Variants in GNE observed in about 807,000 individuals in gnomAD.
The protein encoded by GNE is glucosamine (UDP-N-acetyl)-2-epimerase/N-acetylmannosamine kinase.
Under a neutral mutation model 61.8 loss-of-function variants are expected in GNE, and 41 were observed. That is an observed-to-expected ratio of 0.66 (90% CI 0.52 to 0.86). The LOEUF is 0.86. GNE is among the 40% of genes least tolerant of loss of function. The probability of loss-of-function intolerance (pLI) is 0.00; values close to 1 mark genes in which losing one functional copy is unlikely to be tolerated. For synonymous variants in GNE, 264 were observed against 326.4 expected, an observed-to-expected ratio of 0.81 and a Z score of 2.06; for missense variants, 608 against 909.1, an observed-to-expected ratio of 0.67 and a Z score of 4.26.
intron 1 of GNE, chr9:36,265,262 T>A: frequency 4.9e-6 from 2 of 404,924 alleles, no homozygotes; most frequent in South Asian, 3.6e-5. Context: ...ATTCACCGCA[T>A]GGCCCAAGAT....
Position 36,219,912 on chromosome 9 carries a change from C to A in GNE, c.1742G>T (p.Cys581Phe), listed in dbSNP as rs756926638. The change falls in exon 10 of 12, where the codon TGT becomes TTT. Residue 581 changes from cysteine to phenylalanine, a missense_variant. Physicochemically the swap from Cys to Phe is radical, Grantham distance 205 (BLOSUM62 -2). Transcript: ENST00000642385. The part of the protein sequence containing the change: ...VVSLDGPDCS[C>F]GSHGCIEAYA... ...TGCTTCAATGCACCCATGGCTTCCACAGGAACAATCAGGCCCATCCAGAGA... is the reference window on the plus strand; with the variant it reads ...TGCTTCAATGCACCCATGGCTTCCAAAGGAACAATCAGGCCCATCCAGAGA... The A allele has an allele frequency of 5.0e-6, 8 of 1,614,056 alleles. No individual in the cohort carries two copies. Among genetic ancestry groups the A allele is most frequent in the Non-Finnish European group, 6.8e-6 (8 of 1,180,028 alleles).
chr9:36,270,487 T>C (rs1830981418), intron 1 of GNE, among the ~76,000 whole-genome samples: 1 of 151,766 alleles, frequency 6.6e-6, no homozygotes, highest in Admixed American at 6.6e-5. Flanking sequence ...TCCCAGCTAC[T>C]TGGGAGGCTG....
At chr9:36,276,805 C>T (rs192937459) in intron 1 of GNE, 2 of 986,420 alleles carry the variant, frequency 2.0e-6, no homozygotes, top group East Asian at 2.5e-5. Context: ...CAAAGCTTTC[C>T]TCTTCCTCTT....
Position 36,236,985 on chromosome 9 carries a change from C to T in GNE, c.617-1G>A, listed in dbSNP as rs1256419231. 1.2e-6 allele frequency: 2 copies of T among 1,608,478 alleles called. No homozygotes were observed. The highest frequency in any genetic ancestry group is 1.7e-6 in the Non-Finnish European group (2 of 1,175,234). Reference sequence around the variant, plus strand: ...TAATCTTTAGATTTTACATCATCACCTGTTTAAAGAAAATCAAACCACATT... The same window carrying T: ...TAATCTTTAGATTTTACATCATCACTTGTTTAAAGAAAATCAAACCACATT... On this transcript the variant is annotated splice_acceptor_variant, in intron 3 of 11. Coordinates refer to ENST00000642385, the MANE Select transcript of GNE (RefSeq NM_005476.7). LOFTEE classifies it high-confidence loss of function.
intron 3 of GNE, among the ~76,000 whole-genome samples, chr9:36,245,061 T>C (rs1829812962): frequency 3.3e-5 from 5 of 151,710 alleles, no homozygotes; most frequent in Admixed American, 1.3e-4. Context: ...GCGGATCACC[T>C]GAGGTCAGGA....
chr9:36,220,075 G>A lies in GNE; in HGVS notation c.1634-55C>T, dbSNP rs1314885967. 17 of 1,408,776 alleles carry A rather than the reference G, an allele frequency of 1.2e-5. No individual in the cohort carries two copies. The East Asian group carries it at 3.2e-4, about 26-fold the overall frequency. 87.3% of individuals were successfully genotyped at this position (1,408,776 alleles called of 1,614,324 possible). A position where few individuals can be genotyped will look rare whatever the true frequency, so the allele number is the denominator to read the frequency against. Reference sequence around the variant, plus strand: ...TGCTTTACCTGAAACAGAAAACTATGATATCACAACGCCTCATCTATTTAG... The same window carrying A: ...TGCTTTACCTGAAACAGAAAACTATAATATCACAACGCCTCATCTATTTAG... On this transcript the variant is annotated intron_variant, in intron 9 of 11. Transcript: ENST00000642385.
At chr9:36,245,651 G>C (rs1829839912) in intron 3 of GNE, among the ~76,000 whole-genome samples, 1 of 152,004 alleles carries the variant, frequency 6.6e-6, no homozygotes, top group Non-Finnish European at 1.5e-5. Flanking sequence ...TCCAGCCTAG[G>C]CAACAGAGCA....
chr9:36,274,738 CTT>C (rs1831193116), intron 1 of GNE, among the ~76,000 whole-genome samples: 1 of 130,358 alleles, frequency 7.7e-6, no homozygotes, highest in African/African-American at 2.9e-5. Context: ...TTTTTTTTCT[CTT>C]GAGACGGAGT....
intron 1 of GNE, among the ~76,000 whole-genome samples, chr9:36,251,280 G>A (rs139316967): frequency 3.9e-5 from 6 of 152,198 alleles, no homozygotes; most frequent in African/African-American, 1.4e-4. Context: ...TGAGCGTTAT[G>A]GCCCTCCCAT....
Position 36,218,088 on chromosome 9 carries a change from C to A in GNE, c.1933+95G>T. The stretch of plus-strand genomic sequence containing the variant: ...TGAACAGACACTGCAAAGCACCTGT[C>A]CCTAGGGAAGCAGGGTCTCTTCTGG... On this transcript the variant is annotated intron_variant, in intron 11 of 11. Coordinates refer to ENST00000642385, the MANE Select transcript of GNE (RefSeq NM_005476.7). The surrounding 1 kb of genome is among the most constrained non-coding windows in gnomAD (Gnocchi z 4.1). 1 of 838,586 alleles carries A rather than the reference C, an allele frequency of 1.2e-6. No homozygotes were observed. Among genetic ancestry groups the A allele is most frequent in the South Asian group, 1.3e-5 (1 of 75,064 alleles). 51.9% of individuals were successfully genotyped at this position (838,586 alleles called of 1,614,324 possible). A position where few individuals can be genotyped will look rare whatever the true frequency, so the allele number is the denominator to read the frequency against.
chr9:36,265,489 A>G (rs1830744763), intron 1 of GNE: 1 of 456,498 alleles, frequency 2.2e-6, no homozygotes, highest in Non-Finnish European at 4.4e-6. Context: ...TATCATGAAG[A>G]AATCAACAAG....
At chr9:36,274,251 A>G (rs1206259831) in intron 1 of GNE, among the ~76,000 whole-genome samples, 2 of 151,920 alleles carry the variant, frequency 1.3e-5, no homozygotes, top group African/African-American at 2.4e-5. Flanking sequence ...ATGTGCCACC[A>G]TGTCCGGCTA....
intron 1 of GNE, among the ~76,000 whole-genome samples, chr9:36,266,517 T>C (rs1156704934): frequency 6.6e-6 from 1 of 152,188 alleles, no homozygotes; most frequent in East Asian, 1.9e-4. Context: ...CTCATGCCTG[T>C]AATCCCAGCA....
intron 1 of GNE, among the ~76,000 whole-genome samples, chr9:36,271,184 C>T (rs1831016240): frequency 6.6e-6 from 1 of 152,128 alleles, no homozygotes; most frequent in South Asian, 2.1e-4. Flanking sequence ...GATCCTTCTG[C>T]CCCAAAGAGT....
chr9:36,267,526 A>C (rs566435685), intron 1 of GNE, among the ~76,000 whole-genome samples: 1 of 152,114 alleles, frequency 6.6e-6, no homozygotes, highest in East Asian at 1.9e-4. Context: ...GTGAAACCCC[A>C]TCTCTACTAA....
At chr9:36,254,268 T>A (rs946493513) in intron 1 of GNE, among the ~76,000 whole-genome samples, 1 of 151,970 alleles carries the variant, frequency 6.6e-6, no homozygotes, top group Non-Finnish European at 1.5e-5. Flanking sequence ...GGCTCATGCC[T>A]GTAATCCCAG....
chr9:36,246,750 C>T (rs1309546604), intron 2 of GNE, among the ~76,000 whole-genome samples: 1 of 145,274 alleles, frequency 6.9e-6, no homozygotes, highest in African/African-American at 2.6e-5. Flanking sequence ...CTCACTGCAA[C>T]TTCTGCCTCC....
chr9:36,267,919 G>A (rs898951076), intron 1 of GNE: 2 of 152,040 alleles, frequency 1.3e-5, no homozygotes, highest in African/African-American at 4.8e-5. Context: ...GTGATCATTT[G>A]AGTCTAGGAG....
At chr9:36,224,299 T>A (rs1828755222) in intron 7 of GNE, among the ~76,000 whole-genome samples, 2 of 151,998 alleles carry the variant, frequency 1.3e-5, no homozygotes, top group Non-Finnish European at 2.9e-5. Flanking sequence ...CCAGGCATGT[T>A]GGCACATGCC....
Sources: allele counts gnomAD v4.1 joint callset (sites outside exome capture counted in the v4.1 genomes callset), GRCh38; gene constraint gnomAD v4.1.1; non-coding constraint Gnocchi (gnomAD v3.1); transcripts MANE v1.5; gene names NCBI Gene and HGNC (gene_info 2026-07-23, HGNC 2026-07-21).